The following BAIAP2L1 variants were observed in gnomAD, a reference collection of about 807,000 sequenced individuals.
BAIAP2L1 encodes the protein BAR/IMD domain-containing adapter protein 2-like 1.
BAIAP2L1 carries 35 observed loss-of-function variants against 66.3 expected under a neutral mutation model. That is an observed-to-expected ratio of 0.53 (90% CI 0.40 to 0.70). The LOEUF (loss-of-function observed/expected upper bound fraction) is 0.70. Ranked by LOEUF, BAIAP2L1 falls within the 30% of genes least tolerant of loss-of-function variation. BAIAP2L1 has a pLI of 0.00. For synonymous variants in BAIAP2L1, 269 were observed against 248.7 expected (o/e 1.08, Z -0.77); for missense variants, 622 against 656.9 (o/e 0.95, Z 0.58).
intron 3 of BAIAP2L1, among the ~76,000 whole-genome samples, chr7:98,329,923 A>G (rs1164713358): frequency 2.0e-5 from 3 of 152,218 alleles, no homozygotes; most frequent in African/African-American, 2.4e-5. Flanking sequence ...GGCTTCATTT[A>G]GAAGAATTTT....
intron 3 of BAIAP2L1, among the ~76,000 whole-genome samples, chr7:98,337,572 C>G (rs1801642700): frequency 6.6e-6 from 1 of 152,222 alleles, no homozygotes; most frequent in Non-Finnish European, 1.5e-5. Context: ...CCTGAATATT[C>G]CAGAGTGCCA....
rs140254231 is a variant in BAIAP2L1 at position 98,340,837 on chromosome 7, C to A, written c.214+14205G>T. Among the ~76,000 whole-genome samples, 1,135 of 148,422 alleles carry A rather than the reference C, an allele frequency of 7.6e-3. 6 individuals carry two copies. The highest frequency in any genetic ancestry group is 0.022 in the Middle Eastern group (6 of 268). On this transcript the variant is annotated intron_variant, in intron 3 of 13. Coordinates refer to ENST00000005260, the MANE Select transcript of BAIAP2L1 (RefSeq NM_018842.5). ...GGGGACAGAGTTTCACTCTGTCACT[C>A]AGGCTGGAGAGCAATGGTGTGACCT...
At chr7:98,399,764 T>C (rs1803307799) in intron 1 of BAIAP2L1, among the ~76,000 whole-genome samples, 2 of 152,234 alleles carry the variant, frequency 1.3e-5, no homozygotes, top group Non-Finnish European at 2.9e-5. Context: ...TCTGTCTGTG[T>C]CTGGAAAAAT....
In BAIAP2L1 at chr7:98,292,906, T is replaced by C; in HGVS notation, c.*615A>G. On this transcript the variant is annotated 3_prime_UTR_variant, in exon 14 of 14. Transcript: ENST00000005260. ...TTTCGTCGAGTGCTACGTGTGGCTG[T>C]GATAAGGGCAGGCAAAGCGTCTTAG... The C allele has an allele frequency of 7.1e-7, 1 of 1,411,234 alleles. No individual in the cohort carries two copies. The highest frequency in any genetic ancestry group is 9.2e-7 in the Non-Finnish European group (1 of 1,085,100). The allele number at this position is 1,411,234 out of a possible 1,614,324, so 87.4% of individuals were successfully genotyped here.
At chr7:98,353,624 C>CAT (rs1042127717) in intron 3 of BAIAP2L1, among the ~76,000 whole-genome samples, 21 of 133,844 alleles carry the variant, frequency 1.6e-4, no homozygotes, top group Middle Eastern at 3.4e-3. Context: ...TTATAATATA[C>CAT]ATATATTTAT....
intron 3 of BAIAP2L1, among the ~76,000 whole-genome samples, chr7:98,354,092 T>C (rs1229842501): frequency 1.3e-5 from 2 of 152,186 alleles, no homozygotes; most frequent in Non-Finnish European, 2.9e-5. Flanking sequence ...GTCTACCGTG[T>C]GCCTATGGCT....
At chr7:98,343,322 G>A (rs1801792895) in intron 3 of BAIAP2L1, among the ~76,000 whole-genome samples, 2 of 151,546 alleles carry the variant, frequency 1.3e-5, no homozygotes, top group Non-Finnish European at 2.9e-5. Context: ...GTGGTGGCAG[G>A]CGCCAGTAGT....
intron 12 of BAIAP2L1, among the ~76,000 whole-genome samples, chr7:98,297,622 T>G (rs1003453234): frequency 7.2e-5 from 11 of 152,358 alleles, no homozygotes; most frequent in African/African-American, 2.6e-4. Context: ...CGGACTTGTC[T>G]TCCAGTTCAC....
chr7:98,362,445 C>CA lies in BAIAP2L1; in HGVS notation c.52-14dup. On this transcript the variant is annotated splice_polypyrimidine_tract_variant and intron_variant, in intron 1 of 13. Transcript: ENST00000005260. The stretch of plus-strand genomic sequence containing the variant: ...GTTCCATAACATTCTGCCAAACAAA[C>CA]AAAACACACAAATTAATAAAATAAA... 1 of 1,589,124 alleles carries CA rather than the reference C, an allele frequency of 6.3e-7. No homozygotes were observed. The highest frequency in any genetic ancestry group is 8.5e-7 in the Non-Finnish European group (1 of 1,170,140).
intron 3 of BAIAP2L1, among the ~76,000 whole-genome samples, chr7:98,344,531 G>T (rs1377310729): frequency 6.6e-6 from 1 of 152,070 alleles, no homozygotes; most frequent in Non-Finnish European, 1.5e-5. Flanking sequence ...TCTCTGGTGG[G>T]GGTAAAATGT....
chr7:98,315,314 G>T, intron 7 of BAIAP2L1, 146 bp downstream of exon 7: 2 of 610,048 alleles, frequency 3.3e-6, no homozygotes, highest in Non-Finnish European at 4.8e-6. Context: ...TTTTTATAGA[G>T]ACAGAGTTTT....
intron 8 of BAIAP2L1, 54 bp downstream of exon 8, chr7:98,312,043 A>G: frequency 6.6e-7 from 1 of 1,524,902 alleles, no homozygotes; most frequent in Non-Finnish European, 8.8e-7. Flanking sequence ...AATTTGGCCC[A>G]GATCAAGTTA....
At chr7:98,334,747 T>C (rs1473905543) in intron 3 of BAIAP2L1, among the ~76,000 whole-genome samples, 9 of 151,712 alleles carry the variant, frequency 5.9e-5, no homozygotes, top group East Asian at 2.0e-4. Context: ...GGTTTCACCA[T>C]ATTGGTCAGG....
chr7:98,315,048 T>C (rs977645408), intron 7 of BAIAP2L1, among the ~76,000 whole-genome samples: 2 of 152,256 alleles, frequency 1.3e-5, no homozygotes, highest in Non-Finnish European at 2.9e-5. Context: ...TGGAATCTTT[T>C]CATTGGCAAA....
At chr7:98,363,836 T>C (rs1180852361) in intron 1 of BAIAP2L1, among the ~76,000 whole-genome samples, 3 of 152,086 alleles carry the variant, frequency 2.0e-5, no homozygotes, top group Admixed American at 6.5e-5. Flanking sequence ...TTTACACACA[T>C]ACCCTTCAGA....
chr7:98,386,800 A>C (rs1210422155), intron 1 of BAIAP2L1, among the ~76,000 whole-genome samples: 3 of 138,826 alleles, frequency 2.2e-5, no homozygotes, highest in Non-Finnish European at 4.6e-5. Context: ...CCAGGTTTCA[A>C]GTGATTCTCC....
At chr7:98,372,952 C>G (rs1423114276) in intron 1 of BAIAP2L1, among the ~76,000 whole-genome samples, 1 of 152,106 alleles carries the variant, frequency 6.6e-6, no homozygotes, top group Non-Finnish European at 1.5e-5. Flanking sequence ...GTTGGCCAGG[C>G]TGGTCTCGAG....
chr7:98,357,192 C>A (rs1802157895), intron 2 of BAIAP2L1, among the ~76,000 whole-genome samples: 1 of 148,360 alleles, frequency 6.7e-6, no homozygotes, highest in African/African-American at 2.5e-5. Context: ...AATTCATGTG[C>A]AGGTCCAGCT....
intron 12 of BAIAP2L1, among the ~76,000 whole-genome samples, chr7:98,298,622 C>CAA (rs949069361): frequency 5.3e-5 from 8 of 151,632 alleles, no homozygotes; most frequent in Admixed American, 2.6e-4. Context: ...CAAAACAAAA[C>CAA]AAAAAAAACA....
Sources: gnomAD v4.1 joint callset for allele counts (sites outside exome capture counted in the v4.1 genomes callset) on GRCh38, gnomAD v4.1.1 for gene constraint, MANE v1.5 for transcripts, NCBI Gene and HGNC (gene_info 2026-07-23, HGNC 2026-07-21) for gene names.